The following SNTG1 variants were observed in gnomAD, a reference collection of about 807,000 sequenced individuals.
The protein encoded by SNTG1 is gamma-1-syntrophin.
In SNTG1, 39 loss-of-function variants were observed where a neutral mutation model predicts 74.7. The ratio of observed to expected loss-of-function variants is 0.52; its 90% CI spans 0.40 to 0.68. The LOEUF is 0.68. Among genes scored for constraint, SNTG1 ranks in the 30% least tolerant of loss-of-function variants. SNTG1 has a pLI of 0.00. For synonymous variants in SNTG1, 254 were observed against 217.1 expected (o/e 1.17, Z -1.49); for missense variants, 685 against 609.5 (o/e 1.12, Z -1.30).
At chr8:49,968,262 A>G (rs1314649291) in intron 1 of SNTG1, among the ~76,000 whole-genome samples, 1 of 152,162 alleles carries the variant, frequency 6.6e-6, no homozygotes, top group Non-Finnish European at 1.5e-5. Flanking sequence ...CAAAGTCTCC[A>G]GTACTTACCA....
At chr8:49,920,915 G>A (rs1433031474) in intron 1 of SNTG1, among the ~76,000 whole-genome samples, 1 of 152,078 alleles carries the variant, frequency 6.6e-6, no homozygotes, top group African/African-American at 2.4e-5. Context: ...GAGGCCAAAT[G>A]AGATAGTGTT....
At chr8:50,179,166 G>T (rs761870860) in intron 2 of SNTG1, among the ~76,000 whole-genome samples, 3 of 152,042 alleles carry the variant, frequency 2.0e-5, no homozygotes, top group Non-Finnish European at 4.4e-5. Context: ...ATTGGTCTAT[G>T]TATCTGTTTT....
At chr8:50,702,041 G>A (rs1434706646) in intron 15 of SNTG1, among the ~76,000 whole-genome samples, 1 of 134,598 alleles carries the variant, frequency 7.4e-6, no homozygotes, top group South Asian at 2.6e-4. Flanking sequence ...ATTAGAAATG[G>A]GGTTTCACCA....
chr8:50,688,318 T>A lies in SNTG1; in HGVS notation c.1039-16282T>A, dbSNP rs183900212. ...GCCATTGCTTTTGGTATTTTAGACA[T>A]GAAGTCCTCGCCCATGCCTATGTCC... On this transcript the variant is annotated intron_variant, in intron 15 of 18. Coordinates refer to ENST00000642720, the MANE Select transcript of SNTG1 (RefSeq NM_018967.5). Among the ~76,000 whole-genome samples the A allele has an allele frequency of 8.6e-3, 1,312 of 152,300 alleles. 25 individuals carry two copies. The highest frequency in any genetic ancestry group is 0.029 in the African/African-American group (1,219 of 41,562).
intron 17 of SNTG1, among the ~76,000 whole-genome samples, chr8:50,724,372 G>T (rs1352501537): frequency 6.6e-6 from 1 of 152,164 alleles, no homozygotes; most frequent in Non-Finnish European, 1.5e-5. Context: ...AGTTGAATAT[G>T]TGGTCTCCTC....
intron 17 of SNTG1, among the ~76,000 whole-genome samples, chr8:50,722,444 G>A (rs1387936972): frequency 6.6e-6 from 1 of 151,992 alleles, no homozygotes; most frequent in Admixed American, 6.6e-5. Context: ...CCAGTGTGCT[G>A]GGATTACAGG....
intron 1 of SNTG1, among the ~76,000 whole-genome samples, chr8:49,913,747 CTT>C (rs575969875): frequency 1.3e-5 from 2 of 152,164 alleles, no homozygotes; most frequent in African/African-American, 4.8e-5. Flanking sequence ...ACATGGAAGA[CTT>C]AATCATATTT....
At chr8:50,777,567 T>C (rs1029135083) in intron 18 of SNTG1, among the ~76,000 whole-genome samples, 1 of 151,812 alleles carries the variant, frequency 6.6e-6, no homozygotes, top group African/African-American at 2.4e-5. Context: ...TGGAACAATT[T>C]TGTTGTGACT....
chr8:50,329,292 A>T (rs557740000), intron 2 of SNTG1, among the ~76,000 whole-genome samples: 10 of 152,162 alleles, frequency 6.6e-5, no homozygotes, highest in Admixed American at 6.5e-4. Context: ...ATTAGGCAGG[A>T]TTTCAGTGGA....
In SNTG1 at chr8:50,493,610, T is replaced by C. The variant is rs183788044; in HGVS notation, c.364-9168T>C. Among the ~76,000 whole-genome samples the C allele has an allele frequency of 3.6e-4, 55 of 152,192 alleles. 1 individual carries two copies. The East Asian group carries it at 0.011, about 29-fold the overall frequency. ...TGATTAAACATTTGACCAGTAACTA[T>C]GTTTTTATAAATCTACTGTACAAAT... On this transcript the variant is annotated intron_variant, in intron 8 of 18. Coordinates refer to ENST00000642720, the MANE Select transcript of SNTG1 (RefSeq NM_018967.5).
At chr8:50,197,537 C>G (rs182996959) in intron 2 of SNTG1, among the ~76,000 whole-genome samples, 85 of 152,242 alleles carry the variant, frequency 5.6e-4, no homozygotes, top group Non-Finnish European at 7.2e-4. Context: ...CAGGATAACA[C>G]CAGAATGAAT....
intron 12 of SNTG1, among the ~76,000 whole-genome samples, chr8:50,584,682 GT>G (rs2094635852): frequency 6.6e-6 from 1 of 151,954 alleles, no homozygotes; most frequent in African/African-American, 2.4e-5. Flanking sequence ...AGCCCTCTAG[GT>G]TTTAGTTTAG....
At chr8:50,428,304 T>C (rs2093189930) in intron 4 of SNTG1, among the ~76,000 whole-genome samples, 1 of 152,132 alleles carries the variant, frequency 6.6e-6, no homozygotes, top group South Asian at 2.1e-4. Context: ...AGTAAGACTG[T>C]GTCTCTTAAA....
intron 9 of SNTG1, among the ~76,000 whole-genome samples, chr8:50,513,526 A>AAGGC (rs1585530545): frequency 6.6e-6 from 1 of 152,236 alleles, no homozygotes; most frequent in South Asian, 2.1e-4. Flanking sequence ...GGAGCCTACA[A>AAGGC]AGGCAGGCAG....
chr8:50,115,013 A>G (rs1311161524), intron 1 of SNTG1, among the ~76,000 whole-genome samples: 1 of 152,166 alleles, frequency 6.6e-6, no homozygotes, highest in Non-Finnish European at 1.5e-5. Flanking sequence ...TATGACATGT[A>G]CTTGTCAATT....
intron 9 of SNTG1, among the ~76,000 whole-genome samples, chr8:50,517,155 A>G (rs899848961): frequency 5.3e-5 from 8 of 152,340 alleles, no homozygotes; most frequent in Middle Eastern, 3.4e-3. Flanking sequence ...ATTCTTAAAG[A>G]AAAGAATTTT....
chr8:50,776,420 C>A (rs2131808136), intron 18 of SNTG1, among the ~76,000 whole-genome samples: 1 of 146,396 alleles, frequency 6.8e-6, no homozygotes, highest in Admixed American at 6.9e-5. Context: ...TATATTATAG[C>A]TTATAATATT....
intron 8 of SNTG1, among the ~76,000 whole-genome samples, chr8:50,478,186 G>C (rs2131800574): frequency 6.6e-6 from 1 of 152,186 alleles, no homozygotes; most frequent in East Asian, 1.9e-4. Flanking sequence ...GCAGCCCTTG[G>C]TTTACCTATG....
At chr8:50,516,813 A>C (rs2094137440) in intron 9 of SNTG1, among the ~76,000 whole-genome samples, 1 of 152,244 alleles carries the variant, frequency 6.6e-6, no homozygotes, top group Non-Finnish European at 1.5e-5. Context: ...CCAAACCTAC[A>C]TTTGATTGGT....
Sources: allele counts gnomAD v4.1 joint callset (sites outside exome capture counted in the v4.1 genomes callset), GRCh38; gene constraint gnomAD v4.1.1; transcripts MANE v1.5; gene names NCBI Gene and HGNC (gene_info 2026-07-23, HGNC 2026-07-21).